MRPL35: variants seen among roughly 807,000 people sequenced by gnomAD.
MRPL35 encodes large ribosomal subunit protein bL35m.
Under a neutral mutation model 21.6 loss-of-function variants are expected in MRPL35, and 18 were observed. That is an observed-to-expected ratio of 0.83 (90% confidence interval 0.58 to 1.24). MRPL35 has a LOEUF of 1.24. MRPL35 is among the 50% of genes most tolerant of loss of function. MRPL35 has a pLI of 0.00. For synonymous variants in MRPL35, 87 were observed against 86.9 expected (o/e 1.00, Z -0.01); for missense variants, 223 against 223.2 (o/e 1.00, Z 0.01).
chr2:86,199,979 T>G (rs189621721), intron 1 of MRPL35, among the ~76,000 whole-genome samples: 4 of 152,340 alleles, frequency 2.6e-5, no homozygotes, highest in African/African-American at 9.6e-5. Flanking sequence ...TAAAGCGTTT[T>G]GGGCAGTGCC....
chr2:86,206,234 C>T lies in MRPL35; in HGVS notation c.172C>T (p.Pro58Ser), dbSNP rs935105907. Reference sequence around the variant, plus strand: ...TCAGACACCAGTTGTTTCCTCCACTCCCAGACTTACCACATCTGAGAGAAA... The same window carrying T: ...TCAGACACCAGTTGTTTCCTCCACTTCCAGACTTACCACATCTGAGAGAAA... ...HIQTPVVSST[P>S]RLTTSERNLT... Residue 58 changes from proline to serine, a missense_variant, in exon 2 of 4, where the codon CCC becomes TCC. By Grantham distance (74) the Pro-to-Ser change is moderately conservative. Transcript: ENST00000337109. 1.2e-6 allele frequency: 2 copies of T among 1,613,744 alleles called. No individual in the cohort carries two copies. The highest frequency in any genetic ancestry group is 2.2e-5 in the East Asian group (1 of 44,886).
intron 3 of MRPL35, among the ~76,000 whole-genome samples, chr2:86,209,869 A>G (rs765694700): frequency 4.6e-5 from 7 of 152,140 alleles, no homozygotes; most frequent in Non-Finnish European, 1.0e-4. Context: ...GTAGCTGGGT[A>G]TGGTGGTGCA....
At chr2:86,209,074 G>A (rs926415361) in intron 3 of MRPL35, among the ~76,000 whole-genome samples, 6 of 152,244 alleles carry the variant, frequency 3.9e-5, no homozygotes, top group South Asian at 2.1e-4. Flanking sequence ...GTGTTTGTAC[G>A]TCAGAGATCC....
intron 3 of MRPL35, among the ~76,000 whole-genome samples, chr2:86,209,509 T>C (rs945090476): frequency 2.6e-5 from 4 of 152,136 alleles, no homozygotes; most frequent in African/African-American, 9.7e-5. Flanking sequence ...TCTTTAAAAA[T>C]AAATTCTTCA....
chr2:86,211,767 A>C lies in MRPL35; in HGVS notation c.*1099A>C, dbSNP rs987034635. On this transcript the variant is annotated 3_prime_UTR_variant, in exon 4 of 4. Coordinates refer to ENST00000337109, the MANE Select transcript of MRPL35 (RefSeq NM_016622.4). ...ATTGAAGCCTCGCACTCCTGGGCTC[A>C]AGTGGTCCTCCTGCCTCAGCTTACT... 4.3e-5 allele frequency: 42 copies of C among 984,212 alleles called. No individual in the cohort carries two copies. The highest frequency in any genetic ancestry group is 4.9e-5 in the Non-Finnish European group (41 of 828,906). 61.0% of individuals were successfully genotyped at this position (984,212 alleles called of 1,614,324 possible). A position where few individuals can be genotyped will look rare whatever the true frequency, so the allele number is the denominator to read the frequency against.
chr2:86,201,504 T>G (rs1200603006), intron 1 of MRPL35, among the ~76,000 whole-genome samples: 1 of 152,212 alleles, frequency 6.6e-6, no homozygotes, highest in Non-Finnish European at 1.5e-5. Context: ...GAGTGCCCTT[T>G]GACGAAAAGT....
rs1403805094 is a variant in MRPL35 at position 86,213,358 on chromosome 2, T to G, written c.*2690T>G. The G allele has an allele frequency of 3.8e-5, 47 of 1,232,426 alleles. No individual in the cohort carries two copies. The highest frequency in any genetic ancestry group is 4.4e-5 in the Non-Finnish European group (43 of 986,786). The allele number at this position is 1,232,426 out of a possible 1,614,324, so 76.3% of individuals were successfully genotyped here. A position where few individuals can be genotyped will look rare whatever the true frequency, so the allele number is the denominator to read the frequency against. On this transcript the variant is annotated 3_prime_UTR_variant, in exon 4 of 4. Transcript: ENST00000337109. ...TAAATAAACGAATGGATTTCCAGCC[T>G]TTTTTTCCCATCTGTTCCTGCTTTT...
rs1343694737 is a variant in MRPL35 at position 86,212,445 on chromosome 2, AG to A, written c.*1778del. 10 of 1,613,806 alleles carry A rather than the reference AG, an allele frequency of 6.2e-6. No individual in the cohort carries two copies. The highest frequency in any genetic ancestry group is 8.5e-6 in the Non-Finnish European group (10 of 1,179,910). ...TCTGAGACGGCAAAGCCAACCACTT[AG>A]AAGCCTTCCACATCTTTGTCACCTG... On this transcript the variant is annotated 3_prime_UTR_variant, in exon 4 of 4. Coordinates refer to ENST00000337109, the MANE Select transcript of MRPL35 (RefSeq NM_016622.4).
intron 1 of MRPL35, among the ~76,000 whole-genome samples, 176 bp from the exon 2 acceptor site, chr2:86,205,930 A>G (rs530640346): frequency 2.0e-5 from 3 of 152,254 alleles, no homozygotes; most frequent in Admixed American, 6.5e-5. Context: ...TATACATAAA[A>G]TCAGTAATTA....
chr2:86,206,001 C>A, intron 1 of MRPL35, 105 bp from the exon 2 acceptor site: 1 of 968,862 alleles, frequency 1.0e-6, no homozygotes, highest in Non-Finnish European at 1.6e-6. Flanking sequence ...ATGCTCAGGG[C>A]ACGTTAATTA....
At position 86,212,278 on chromosome 2, in the gene MRPL35, A is replaced by G; in HGVS notation, c.*1610A>G. On this transcript the variant is annotated 3_prime_UTR_variant, in exon 4 of 4. Coordinates refer to ENST00000337109, the MANE Select transcript of MRPL35 (RefSeq NM_016622.4). Reference sequence around the variant, plus strand: ...TATTAAAAGGAGAAAGGATAACAATAGAATGTTCTAAAACCAGAAGTCCAA... The same window carrying G: ...TATTAAAAGGAGAAAGGATAACAATGGAATGTTCTAAAACCAGAAGTCCAA... The G allele has an allele frequency of 1.4e-6, 2 of 1,467,612 alleles. No individual in the cohort carries two copies. Among genetic ancestry groups the G allele is most frequent in the East Asian group, 2.5e-5 (1 of 39,808 alleles). 90.9% of individuals were successfully genotyped at this position (1,467,612 alleles called of 1,614,324 possible). A position where few individuals can be genotyped will look rare whatever the true frequency, so the allele number is the denominator to read the frequency against.
rs1363514465 is a variant in MRPL35 at position 86,212,545 on chromosome 2, T to C, written c.*1877T>C. 5.7e-6 allele frequency: 9 copies of C among 1,590,606 alleles called. No homozygotes were observed. In the East Asian group the frequency reaches 1.6e-4, roughly 28 times the overall value. ...TGCCTGCAGAAGTTGGGGAGAAGGATACTTTTGCACAGCCTCCATGATGTC... is the reference window on the plus strand; with the variant it reads ...TGCCTGCAGAAGTTGGGGAGAAGGACACTTTTGCACAGCCTCCATGATGTC... On this transcript the variant is annotated 3_prime_UTR_variant, in exon 4 of 4. Coordinates refer to ENST00000337109, the MANE Select transcript of MRPL35 (RefSeq NM_016622.4).
chr2:86,211,538 T>C lies in MRPL35; in HGVS notation c.*870T>C. On this transcript the variant is annotated 3_prime_UTR_variant, in exon 4 of 4. Transcript: ENST00000337109. Reference sequence around the variant, plus strand: ...TAACACACCAGGTTCATTGTGTTCATAACACTTGTCATTTACTGTAACAAC... The same window carrying C: ...TAACACACCAGGTTCATTGTGTTCACAACACTTGTCATTTACTGTAACAAC... The C allele has an allele frequency of 1.0e-6, 1 of 985,510 alleles. No individual in the cohort carries two copies. The highest frequency in any genetic ancestry group is 1.2e-6 in the Non-Finnish European group (1 of 829,942). The allele number at this position is 985,510 out of a possible 1,614,324, so 61.0% of individuals were successfully genotyped here.
chr2:86,203,506 T>TATGAAACAA (rs1322433072), intron 1 of MRPL35, among the ~76,000 whole-genome samples: 3 of 152,226 alleles, frequency 2.0e-5, no homozygotes, highest in Non-Finnish European at 2.9e-5. Context: ...GTAAGATTTA[T>TATGAAACAA]ATGAAACAAA....
chr2:86,206,089 T>C lies in MRPL35; in HGVS notation c.44-17T>C, dbSNP rs376960415. 8.2e-6 allele frequency: 13 copies of C among 1,578,094 alleles called. No homozygotes were observed. In the East Asian group the frequency reaches 1.3e-4, roughly 16 times the overall value. ...CATATTTTGGAGTATTAAATATATA[T>C]GCTCCTATCTTTACAGGAATCCTAC... On this transcript the variant is annotated splice_polypyrimidine_tract_variant and intron_variant, in intron 1 of 3. Coordinates refer to ENST00000337109, the MANE Select transcript of MRPL35 (RefSeq NM_016622.4).
intron 1 of MRPL35, among the ~76,000 whole-genome samples, chr2:86,201,449 C>T (rs1368576271): frequency 6.6e-6 from 1 of 151,764 alleles, no homozygotes; most frequent in African/African-American, 2.4e-5. Context: ...TTGTGTGTGT[C>T]CTTTAGCTTC....
intron 1 of MRPL35, 84 bp downstream of exon 1, chr2:86,199,617 T>A: frequency 5.2e-6 from 8 of 1,526,042 alleles, no homozygotes; most frequent in Admixed American, 3.6e-5. Flanking sequence ...AGACTGGAGG[T>A]TAACAAGCAA....
rs1197237955 is a variant in MRPL35, at chr2:86,212,752, A to G, written c.*2084A>G. The G allele has an allele frequency of 1.8e-5, 20 of 1,133,834 alleles. No homozygotes were observed. Among genetic ancestry groups the G allele is most frequent in the Non-Finnish European group, 4.3e-6 (4 of 926,386 alleles). 70.2% of individuals were successfully genotyped at this position (1,133,834 alleles called of 1,614,324 possible). A position where few individuals can be genotyped will look rare whatever the true frequency, so the allele number is the denominator to read the frequency against. The stretch of plus-strand genomic sequence containing the variant: ...ACTTACGGGAAAGGGAATTTCATAC[A>G]TACGATTTTTGTTTTGTGGGTAGGA... On this transcript the variant is annotated 3_prime_UTR_variant, in exon 4 of 4. Coordinates refer to ENST00000337109, the MANE Select transcript of MRPL35 (RefSeq NM_016622.4).
intron 1 of MRPL35, among the ~76,000 whole-genome samples, chr2:86,204,564 C>T (rs1294945248): frequency 2.6e-5 from 4 of 151,784 alleles, no homozygotes; most frequent in African/African-American, 7.3e-5. Flanking sequence ...TGGGTGGAGT[C>T]GGAGCTCCAC....
Sources: gnomAD v4.1 joint callset for allele counts (sites outside exome capture counted in the v4.1 genomes callset) on GRCh38, gnomAD v4.1.1 for gene constraint, MANE v1.5 for transcripts, NCBI Gene and HGNC (gene_info 2026-07-23, HGNC 2026-07-21) for gene names.